The following LRGUK variants were observed in gnomAD, a reference collection of about 807,000 sequenced individuals.
The protein encoded by LRGUK is leucine rich repeats and guanylate kinase domain containing.
Under a neutral mutation model 76.0 loss-of-function variants are expected in LRGUK, and 65 were observed. The ratio of observed to expected loss-of-function variants is 0.85; its 90% CI spans 0.70 to 1.05. The LOEUF (loss-of-function observed/expected upper bound fraction) is 1.05. Among genes scored for constraint, LRGUK ranks in the 50% least tolerant of loss-of-function variants. LRGUK has a pLI of 0.00. For missense variants in LRGUK, 758 were observed against 732.8 expected (o/e 1.03, Z -0.40); for synonymous variants, 268 against 265.6 (o/e 1.01, Z -0.09).
At chr7:134,252,417 G>C (rs148594396) in intron 18 of LRGUK, among the ~76,000 whole-genome samples, 1 of 152,066 alleles carries the variant, frequency 6.6e-6, no homozygotes, top group Non-Finnish European at 1.5e-5. Flanking sequence ...TCCAAAAGCT[G>C]TCGTCCAACA....
chr7:134,256,892 A>T (rs764042679), intron 18 of LRGUK, among the ~76,000 whole-genome samples: 8 of 152,172 alleles, frequency 5.3e-5, no homozygotes, highest in Admixed American at 2.0e-4. Flanking sequence ...GTTCACTGCT[A>T]TATCTCCTGA....
intron 11 of LRGUK, among the ~76,000 whole-genome samples, 172 bp downstream of exon 11, chr7:134,184,025 AGTG>A (rs1194814515): frequency 6.6e-6 from 1 of 152,242 alleles, no homozygotes; most frequent in Non-Finnish European, 1.5e-5. Context: ...CAAAGCCAAA[AGTG>A]GTAAGTAAAT....
intron 7 of LRGUK, among the ~76,000 whole-genome samples, chr7:134,167,553 G>A (rs1012032234): frequency 2.6e-5 from 4 of 152,162 alleles, no homozygotes; most frequent in African/African-American, 9.7e-5. Context: ...GACTTGGTTA[G>A]GCCAGCTACG....
chr7:134,167,054 G>A (rs1799021313), intron 7 of LRGUK, among the ~76,000 whole-genome samples: 1 of 152,168 alleles, frequency 6.6e-6, no homozygotes, highest in South Asian at 2.1e-4. Context: ...TTGATGCAGA[G>A]GCATGCCATT....
At chr7:134,239,978 A>T (rs1420510110) in intron 16 of LRGUK, among the ~76,000 whole-genome samples, 1 of 152,228 alleles carries the variant, frequency 6.6e-6, no homozygotes, top group African/African-American at 2.4e-5. Flanking sequence ...ACAGACCTGC[A>T]GCTGAGGGTT....
chr7:134,161,678 T>C (rs1211431511), intron 6 of LRGUK, among the ~76,000 whole-genome samples: 2 of 146,982 alleles, frequency 1.4e-5, no homozygotes, highest in South Asian at 2.1e-4. Flanking sequence ...GGAAGAAAAT[T>C]ATTGTTATTC....
intron 1 of LRGUK, among the ~76,000 whole-genome samples, chr7:134,136,377 G>T (rs1208994990): frequency 6.6e-6 from 1 of 152,172 alleles, no homozygotes; most frequent in African/African-American, 2.4e-5. Context: ...CTAATAGGAA[G>T]TGAACTGAAG....
At chr7:134,147,434 C>CAAA (rs11431531) in intron 4 of LRGUK, among the ~76,000 whole-genome samples, 1 of 101,908 alleles carries the variant, frequency 9.8e-6, no homozygotes, top group South Asian at 2.9e-4. Context: ...GACTCCACCT[C>CAAA]AAAAAAAAAA....
exon 16 of LRGUK, chr7:134,209,759 C>G: frequency 2.5e-6 from 1 of 399,948 alleles, no homozygotes; most frequent in Non-Finnish European, 4.4e-6. Flanking sequence ...TCTGAGCCCC[C>G]AGGCAGCCCA....
At position 134,255,558 on chromosome 7, in the gene LRGUK, C is replaced by T. The variant is rs35973946; in HGVS notation, c.2199-2699C>T. ...TAGTTCAGACATATTTTTTGTCTGA[C>T]TTTCATTATTTTCTACCAGAGGTTT... is the stretch of plus-strand genomic sequence containing the variant. On this transcript the variant is annotated intron_variant, in intron 18 of 19. Coordinates refer to the LRGUK transcript ENST00000285928. Among the ~76,000 whole-genome samples, 191 of 152,288 alleles carry T rather than the reference C, an allele frequency of 1.3e-3. 3 individuals are homozygous for T. In the East Asian group the frequency reaches 0.029, roughly 23 times the overall value.
chr7:134,214,168 A>G (rs1801369643), downstream of LRGUK, among the ~76,000 whole-genome samples: 1 of 152,262 alleles, frequency 6.6e-6, no homozygotes, highest in South Asian at 2.1e-4. Context: ...AAAATGGCCA[A>G]TAGATATGTC....
chr7:134,157,379 G>A (rs1410645891), intron 5 of LRGUK, among the ~76,000 whole-genome samples: 1 of 152,222 alleles, frequency 6.6e-6, no homozygotes, highest in East Asian at 1.9e-4. Flanking sequence ...GTAGTCAGAA[G>A]TTCTGCCTGT....
At chr7:134,135,201 G>T (rs1221902788) in intron 1 of LRGUK, among the ~76,000 whole-genome samples, 1 of 152,136 alleles carries the variant, frequency 6.6e-6, no homozygotes, top group Non-Finnish European at 1.5e-5. Flanking sequence ...GCCACTTAGG[G>T]GAAAGTAAAT....
chr7:134,160,461 A>G (rs1798678998), intron 6 of LRGUK, among the ~76,000 whole-genome samples: 1 of 152,204 alleles, frequency 6.6e-6, no homozygotes. Context: ...AATAAAATCT[A>G]TAAAATTTGT....
chr7:134,246,316 A>G (rs1178634364), intron 16 of LRGUK, among the ~76,000 whole-genome samples: 1 of 152,212 alleles, frequency 6.6e-6, no homozygotes, highest in African/African-American at 2.4e-5. Context: ...TACAGCAGTG[A>G]CAAAAGGGAT....
At chr7:134,138,463 T>C (rs1797624560) in intron 2 of LRGUK, among the ~76,000 whole-genome samples, 2 of 152,302 alleles carry the variant, frequency 1.3e-5, no homozygotes, top group South Asian at 4.1e-4. Context: ...TCTCTTATTA[T>C]TTGTGTACAT....
chr7:134,161,999 T>A (rs1047622353), intron 6 of LRGUK, among the ~76,000 whole-genome samples: 1 of 152,132 alleles, frequency 6.6e-6, no homozygotes, highest in African/African-American at 2.4e-5. Flanking sequence ...TTATTCTTAT[T>A]TGTTGTTATG....
At chr7:134,220,733 T>C (rs1801569715) in intron 15 of LRGUK, among the ~76,000 whole-genome samples, 1 of 152,066 alleles carries the variant, frequency 6.6e-6, no homozygotes. Flanking sequence ...CACATCAGGC[T>C]AATTTTTGTA....
At chr7:134,269,845 AAG>A in the LRGUK span, among the ~76,000 whole-genome samples, 1 of 152,224 alleles carries the variant, frequency 6.6e-6, no homozygotes, top group East Asian at 1.9e-4. Context: ...TAATAGGATA[AAG>A]AGGAAAAATC....
Sources: allele counts gnomAD v4.1 joint callset (sites outside exome capture counted in the v4.1 genomes callset), GRCh38; gene constraint gnomAD v4.1.1; transcripts MANE v1.5; gene names NCBI Gene and HGNC (gene_info 2026-07-23, HGNC 2026-07-21).